The following PTPRN2 variants were observed in gnomAD, a reference collection of about 807,000 sequenced individuals.
PTPRN2 encodes the protein receptor-type tyrosine-protein phosphatase N2.
In PTPRN2, 74 loss-of-function variants were observed where a neutral mutation model predicts 118.8. That is an observed-to-expected ratio of 0.62 (90% CI 0.52 to 0.76). The LOEUF is 0.76. Among genes scored for constraint, PTPRN2 ranks in the 30% least tolerant of loss-of-function variants. The probability of loss-of-function intolerance (pLI) is 0.00; values close to 1 mark genes in which losing one functional copy is unlikely to be tolerated. For missense variants in PTPRN2, 1,481 were observed against 1,394.4 expected, an observed-to-expected ratio of 1.06 and a Z score of -0.99; for synonymous variants, 641 against 608.0, an observed-to-expected ratio of 1.05 and a Z score of -0.80.
chr7:157,540,817 GA>G, intron 22 of PTPRN2, 32 bp from the exon 23 acceptor site: 1 of 1,521,326 alleles, frequency 6.6e-7, no homozygotes, highest in Non-Finnish European at 8.9e-7. Flanking sequence ...AAGTGCCAAT[GA>G]GAGCGGCGTC....
At chr7:158,253,578 C>T (rs1796828157) in intron 3 of PTPRN2, among the ~76,000 whole-genome samples, 2 of 152,152 alleles carry the variant, frequency 1.3e-5, no homozygotes, top group Non-Finnish European at 1.5e-5. Flanking sequence ...GCCAGGACCG[C>T]GCCCCACAGG....
At chr7:157,897,439 C>G (rs1797196011) in intron 12 of PTPRN2, among the ~76,000 whole-genome samples, 1 of 152,194 alleles carries the variant, frequency 6.6e-6, no homozygotes, top group African/African-American at 2.4e-5. Flanking sequence ...AAAGAGACAG[C>G]AAGCTCCCGG....
chr7:158,155,738 ACC>A (rs1821746331), intron 6 of PTPRN2, among the ~76,000 whole-genome samples: 1 of 95,298 alleles, frequency 1.0e-5, no homozygotes, highest in Non-Finnish European at 2.5e-5. Flanking sequence ...CACCATCATC[ACC>A]ATCATCACCA....
Position 158,555,333 on chromosome 7 carries a change from C to A in PTPRN2, c.112+32225G>T, listed in dbSNP as rs1826903560. 6.6e-6 allele frequency among the ~76,000 whole-genome samples: 1 copy of A among 152,192 alleles called. No homozygotes were observed. The highest frequency in any genetic ancestry group is 6.5e-5 in the Admixed American group (1 of 15,284). ...CAGGTCCTTCCAGGAGAAGGCGGCA[C>A]CAAGCCCAGCGTCGAACGAAGCAGG... On this transcript the variant is annotated intron_variant, in intron 1 of 22. Transcript: ENST00000389418. The surrounding 1 kb of genome is among the most constrained non-coding windows in gnomAD (Gnocchi z 4.7).
At chr7:158,066,039 T>A (rs911352227) in intron 11 of PTPRN2, among the ~76,000 whole-genome samples, 73 of 152,350 alleles carry the variant, frequency 4.8e-4, no homozygotes, top group African/African-American at 1.7e-3. Flanking sequence ...TCAGTTTACC[T>A]ATGTGTCCCA....
At chr7:158,196,797 A>G (rs910218686) in intron 4 of PTPRN2, among the ~76,000 whole-genome samples, 1 of 152,196 alleles carries the variant, frequency 6.6e-6, no homozygotes, top group African/African-American at 2.4e-5. Context: ...GATGGAAAAC[A>G]TTTTTAAAGT....
At chr7:158,196,398 C>A (rs897331770) in intron 4 of PTPRN2, among the ~76,000 whole-genome samples, 6 of 152,188 alleles carry the variant, frequency 3.9e-5, no homozygotes, top group African/African-American at 1.4e-4. Context: ...CAGCTGCGTC[C>A]CCTCCCAAAA....
chr7:158,110,603 G>A (rs1816151942), intron 10 of PTPRN2, among the ~76,000 whole-genome samples: 1 of 152,210 alleles, frequency 6.6e-6, no homozygotes, highest in Admixed American at 6.5e-5. Flanking sequence ...TTGACACTTG[G>A]CTGCAGCGAC....
chr7:157,897,364 G>T (rs887124757), intron 12 of PTPRN2, among the ~76,000 whole-genome samples: 3 of 152,162 alleles, frequency 2.0e-5, no homozygotes, highest in South Asian at 2.1e-4. Flanking sequence ...ACCTTCCGTG[G>T]GATGCAGGTG....
At position 157,748,496 on chromosome 7, in the gene PTPRN2, TGTC is replaced by T. The variant is rs1563067900; in HGVS notation, c.1789-65562_1789-65560del. On this transcript the variant is annotated intron_variant, in intron 12 of 22. Coordinates refer to ENST00000389418, the MANE Select transcript of PTPRN2 (RefSeq NM_002847.5). ...AGGCCTGCGTCCCTGAGCTGCGGAG[TGTC>T]TGGGTGATTCTTAGGTCTGCGTCTC... Among the ~76,000 whole-genome samples, 40 of 124,044 alleles carry T rather than the reference TGTC, an allele frequency of 3.2e-4. 1 individual carries two copies. The highest frequency in any genetic ancestry group is 7.3e-4 in the Admixed American group (8 of 11,014). The allele number at this position is 124,044 out of a possible 152,430, so 81.4% of individuals were successfully genotyped here. A position where few individuals can be genotyped will look rare whatever the true frequency, so the allele number is the denominator to read the frequency against.
rs1410696675 is a variant in PTPRN2, at chr7:157,785,115, G to A, written c.1789-102178C>T. On this transcript the variant is annotated intron_variant, in intron 12 of 22. Coordinates refer to ENST00000389418, the MANE Select transcript of PTPRN2 (RefSeq NM_002847.5). This position sits in a 1 kb window ranked among gnomAD's most constrained non-coding sequence, Gnocchi z 7.3. ...GCTGTGTGTGTGTTTCCAGAATGTT[G>A]GCACAGCGGCGAGAAGGCTGACCGA... is the stretch of plus-strand genomic sequence containing the variant. 6.6e-6 allele frequency among the ~76,000 whole-genome samples: 1 copy of A among 152,072 alleles called. No individual in the cohort carries two copies. The highest frequency in any genetic ancestry group is 1.5e-5 in the Non-Finnish European group (1 of 68,008).
intron 6 of PTPRN2, among the ~76,000 whole-genome samples, chr7:158,150,125 A>C (rs1489518945): frequency 6.6e-6 from 1 of 152,182 alleles, no homozygotes; most frequent in African/African-American, 2.4e-5. Flanking sequence ...CTGAGCTCTG[A>C]AGCTTGGCCG....
chr7:158,342,314 C>G (rs1209738553), intron 2 of PTPRN2, among the ~76,000 whole-genome samples: 1 of 129,140 alleles, frequency 7.7e-6, no homozygotes, highest in Non-Finnish European at 1.6e-5. Context: ...GTCACTCACA[C>G]CCACACTCTC....
chr7:157,587,258 A>G lies in PTPRN2; in HGVS notation c.2496+7980T>C, dbSNP rs201638799. 7.0e-5 allele frequency among the ~76,000 whole-genome samples: 10 copies of G among 142,028 alleles called. No homozygotes were observed. The highest frequency in any genetic ancestry group is 2.2e-4 in the South Asian group (1 of 4,624). The allele number at this position is 142,028 out of a possible 152,430, so 93.2% of individuals were successfully genotyped here. ...GGCAGACAGCGAGACAGGCAGACAG[A>G]CAGGCAGACAAACAGGCAGACAGGC... On this transcript the variant is annotated intron_variant, in intron 17 of 22. Coordinates refer to ENST00000389418, the MANE Select transcript of PTPRN2 (RefSeq NM_002847.5). The surrounding 1 kb of genome is among the most constrained non-coding windows in gnomAD (Gnocchi z 5.3).
At chr7:158,400,466 A>T (rs1487954440) in intron 2 of PTPRN2, among the ~76,000 whole-genome samples, 1 of 152,182 alleles carries the variant, frequency 6.6e-6, no homozygotes, top group Admixed American at 6.5e-5. Flanking sequence ...ACAGCCATTA[A>T]GTCCAACGGG....
intron 12 of PTPRN2, among the ~76,000 whole-genome samples, chr7:157,748,618 C>G (rs1435437128): frequency 1.3e-4 from 19 of 141,042 alleles, no homozygotes; most frequent in Admixed American, 2.8e-4. Flanking sequence ...GAGCTGTGGG[C>G]TGTTGACGTG....
At chr7:157,716,648 A>C (rs1638762) in intron 12 of PTPRN2, among the ~76,000 whole-genome samples, 8 of 45,954 alleles carry the variant, frequency 1.7e-4, no homozygotes, top group Admixed American at 6.7e-4. Context: ...GTAGACTCTG[A>C]GGGAACACTG....
In PTPRN2 at chr7:157,754,793, G is replaced by A. The variant is rs187566988; in HGVS notation, c.1789-71856C>T. ...TTGGTCATTTCAGGTAAAAGGTGGC[G>A]TAAACACTGGAGCTGCAGAGAAAGG... On this transcript the variant is annotated intron_variant, in intron 12 of 22. Coordinates refer to ENST00000389418, the MANE Select transcript of PTPRN2 (RefSeq NM_002847.5). 2.4e-4 allele frequency among the ~76,000 whole-genome samples: 36 copies of A among 152,348 alleles called. No individual in the cohort carries two copies. In the South Asian group the frequency reaches 4.6e-3, roughly 19 times the overall value.
chr7:157,826,578 G>A (rs926826313), intron 12 of PTPRN2, among the ~76,000 whole-genome samples: 2 of 147,490 alleles, frequency 1.4e-5, no homozygotes, highest in African/African-American at 2.5e-5. Context: ...GCACGAACAC[G>A]ATCGTCACAA....
Sources: allele counts gnomAD v4.1 joint callset (sites outside exome capture counted in the v4.1 genomes callset), GRCh38; gene constraint gnomAD v4.1.1; non-coding constraint Gnocchi (gnomAD v3.1); transcripts MANE v1.5; gene names NCBI Gene and HGNC (gene_info 2026-07-23, HGNC 2026-07-21).